The following ARID2 variants were observed in gnomAD, a reference collection of about 807,000 sequenced individuals.
The protein encoded by ARID2 is AT-rich interactive domain-containing protein 2.
ARID2 carries 32 observed loss-of-function variants against 184.6 expected under a neutral mutation model. That is an observed-to-expected ratio of 0.17 (90% confidence interval 0.13 to 0.23). The LOEUF (loss-of-function observed/expected upper bound fraction) is 0.23. ARID2 is among the 10% of genes least tolerant of loss of function. ARID2 has a pLI of 1.00. For synonymous variants in ARID2, 836 were observed against 772.6 expected (o/e 1.08, Z -1.36); for missense variants, 1,696 against 2,197.6 (o/e 0.77, Z 4.56).
At chr12:45,737,373 A>T (rs964568085) in intron 3 of ARID2, among the ~76,000 whole-genome samples, 6 of 150,458 alleles carry the variant, frequency 4.0e-5, no homozygotes, top group Admixed American at 1.3e-4. Flanking sequence ...TTTTTTCCCC[A>T]TTATACCATT....
chr12:45,864,846 T>TC (rs1478549320), intron 16 of ARID2, among the ~76,000 whole-genome samples: 1 of 152,212 alleles, frequency 6.6e-6, no homozygotes, highest in African/African-American at 2.4e-5. Flanking sequence ...GAGGAATAGT[T>TC]CCTACAGGAA....
At chr12:45,884,769 C>T (rs1218548641) in intron 16 of ARID2, among the ~76,000 whole-genome samples, 4 of 152,128 alleles carry the variant, frequency 2.6e-5, no homozygotes, top group Non-Finnish European at 5.9e-5. Flanking sequence ...CCTACAATTT[C>T]AGTCTTACTA....
At chr12:45,896,955 C>T (rs911199668) in intron 20 of ARID2, among the ~76,000 whole-genome samples, 2 of 152,134 alleles carry the variant, frequency 1.3e-5, no homozygotes, top group African/African-American at 2.4e-5. Context: ...AGAATTCATA[C>T]GTAATCTCAA....
chr12:45,904,346 A>G lies in ARID2; in HGVS notation c.5364-588A>G, dbSNP rs1406587346. 29 of 716,088 alleles carry G rather than the reference A, an allele frequency of 4.0e-5. No individual in the cohort carries two copies. The East Asian group carries it at 7.8e-4, about 19-fold the overall frequency. 44.4% of individuals were successfully genotyped at this position (716,088 alleles called of 1,614,324 possible). ...ACCATTTTCTAAATTTTCTAGAAAC[A>G]TGAATGAAGATTGAAAAAGAATTTT... is the stretch of plus-strand genomic sequence containing the variant. On this transcript the variant is annotated intron_variant, in intron 20 of 20. Transcript: ENST00000334344.
chr12:45,836,440 T>C, intron 6 of ARID2, 149 bp from the exon 7 acceptor site: 1 of 684,890 alleles, frequency 1.5e-6, no homozygotes, highest in Non-Finnish European at 2.3e-6. Flanking sequence ...GGTCTCAAAC[T>C]CCCAGCTGCA....
intron 17 of ARID2, 40 bp from the exon 18 acceptor site, chr12:45,891,971 T>G (rs999978142): frequency 3.7e-6 from 6 of 1,613,932 alleles, no homozygotes; most frequent in Admixed American, 1.7e-5. Flanking sequence ...GCATTAAAGA[T>G]TTTGACGTGC....
intron 3 of ARID2, among the ~76,000 whole-genome samples, chr12:45,746,851 C>T (rs1030537771): frequency 8.5e-5 from 13 of 152,160 alleles, no homozygotes; most frequent in African/African-American, 3.1e-4. Context: ...ACTGCAAGCT[C>T]CGCCTTCCGG....
chr12:45,776,854 C>T, intron 3 of ARID2, among the ~76,000 whole-genome samples: 1 of 148,504 alleles, frequency 6.7e-6, no homozygotes, highest in East Asian at 2.0e-4. Flanking sequence ...GTGATCTCGG[C>T]TCACTGCAAC....
chr12:45,797,273 G>A (rs1942408969), intron 3 of ARID2, among the ~76,000 whole-genome samples: 1 of 151,890 alleles, frequency 6.6e-6, no homozygotes, highest in African/African-American at 2.4e-5. Flanking sequence ...CTCACTCTGT[G>A]GTCCAGGCTG....
intron 11 of ARID2, among the ~76,000 whole-genome samples, chr12:45,843,733 C>G (rs911733824): frequency 3.9e-5 from 6 of 152,152 alleles, no homozygotes; most frequent in African/African-American, 1.4e-4. Context: ...TGCTTTTTAT[C>G]ATATACTTCA....
At chr12:45,818,223 T>A (rs555763566) in intron 5 of ARID2, among the ~76,000 whole-genome samples, 5 of 152,306 alleles carry the variant, frequency 3.3e-5, no homozygotes, top group Non-Finnish European at 2.9e-5. Context: ...TTACTGCTAA[T>A]GTGTGGCTAT....
chr12:45,895,865 T>C (rs1004665808), intron 20 of ARID2, among the ~76,000 whole-genome samples: 2 of 151,806 alleles, frequency 1.3e-5, no homozygotes, highest in African/African-American at 4.8e-5. Flanking sequence ...TCAAAAAGAG[T>C]AAAATACTTA....
chr12:45,811,167 C>A (rs1433167258), intron 3 of ARID2, among the ~76,000 whole-genome samples: 1 of 151,038 alleles, frequency 6.6e-6, no homozygotes, highest in Non-Finnish European at 1.5e-5. Context: ...TGAGATCGCA[C>A]CACTGCACTC....
At chr12:45,767,292 T>A (rs1941789394) in intron 3 of ARID2, among the ~76,000 whole-genome samples, 1 of 152,206 alleles carries the variant, frequency 6.6e-6, no homozygotes, top group Non-Finnish European at 1.5e-5. Context: ...TATTACCCAA[T>A]AAGTGATTTG....
intron 4 of ARID2, among the ~76,000 whole-genome samples, chr12:45,814,817 A>G (rs1361942661): frequency 1.3e-5 from 2 of 152,222 alleles, no homozygotes; most frequent in Non-Finnish European, 2.9e-5. Flanking sequence ...AATGATTATA[A>G]TAAATTGGTG....
At chr12:45,892,381 A>T (rs1944312079) in intron 18 of ARID2, among the ~76,000 whole-genome samples, 1 of 152,160 alleles carries the variant, frequency 6.6e-6, no homozygotes, top group African/African-American at 2.4e-5. Context: ...ATATATGAGA[A>T]ATGCTTTGTA....
intron 3 of ARID2, among the ~76,000 whole-genome samples, chr12:45,806,931 C>A (rs1942613489): frequency 6.6e-6 from 1 of 152,162 alleles, no homozygotes. Context: ...CTATTTCAAC[C>A]CAACTTTCAA....
At chr12:45,898,863 G>A (rs977541173) in intron 20 of ARID2, among the ~76,000 whole-genome samples, 3 of 152,004 alleles carry the variant, frequency 2.0e-5, no homozygotes, top group African/African-American at 7.3e-5. Flanking sequence ...GCAGTGAGCT[G>A]AGATCATGCC....
intron 3 of ARID2, 148 bp from the exon 4 acceptor site, chr12:45,811,270 A>T (rs552142016): frequency 3.4e-5 from 26 of 766,216 alleles, no homozygotes; most frequent in Non-Finnish European, 4.9e-5. Flanking sequence ...TCTAAACTGG[A>T]GTTACTGTTC....
Sources: gnomAD v4.1 joint callset for allele counts (sites outside exome capture counted in the v4.1 genomes callset) on GRCh38, gnomAD v4.1.1 for gene constraint, MANE v1.5 for transcripts, NCBI Gene and HGNC (gene_info 2026-07-23, HGNC 2026-07-21) for gene names.